M1AP: variants seen among roughly 807,000 people sequenced by gnomAD.
The protein encoded by M1AP is meiosis 1 arrest protein.
In M1AP, 39 loss-of-function variants were observed where a neutral mutation model predicts 51.2. That is an observed-to-expected ratio of 0.76 (90% confidence interval 0.59 to 1.00). The LOEUF (loss-of-function observed/expected upper bound fraction) is 1.00, where lower values mean the gene tolerates loss of function less well. Among genes scored for constraint, M1AP ranks in the 50% least tolerant of loss-of-function variants. The pLI is 0.00. For synonymous variants in M1AP, 251 were observed against 249.2 expected, an observed-to-expected ratio of 1.01 and a Z score of -0.07; for missense variants, 545 against 641.2, an observed-to-expected ratio of 0.85 and a Z score of 1.62.
intron 5 of M1AP, among the ~76,000 whole-genome samples, chr2:74,579,921 C>T (rs912053203): frequency 6.6e-6 from 1 of 152,144 alleles, no homozygotes; most frequent in African/African-American, 2.4e-5. Context: ...GATCCTCTTG[C>T]CTCGGCCTCC....
chr2:74,619,743 A>G (rs1220143653), intron 2 of M1AP, among the ~76,000 whole-genome samples: 1 of 152,192 alleles, frequency 6.6e-6, no homozygotes, highest in Non-Finnish European at 1.5e-5. Flanking sequence ...CAAAATCTCA[A>G]CTTAATATTA....
At chr2:74,614,929 C>T in intron 3 of M1AP, 35 bp downstream of exon 3, 13 of 1,594,038 alleles carry the variant, frequency 8.2e-6, no homozygotes, top group Non-Finnish European at 1.1e-5. Flanking sequence ...GAAATCGGAA[C>T]ACAGCTTGGA....
chr2:74,647,241 A>G, intron 1 of M1AP: 1 of 985,140 alleles, frequency 1.0e-6, no homozygotes, highest in South Asian at 4.7e-5. Context: ...TCCTCACACT[A>G]GGCCCTCCCC....
intron 10 of M1AP, among the ~76,000 whole-genome samples, chr2:74,559,184 G>A (rs1230015019): frequency 6.7e-6 from 1 of 150,260 alleles, no homozygotes; most frequent in East Asian, 1.9e-4. Context: ...TTTTTGACAG[G>A]ATCTTGCTCT....
chr2:74,626,917 T>C (rs974515425), intron 2 of M1AP, among the ~76,000 whole-genome samples: 1 of 152,240 alleles, frequency 6.6e-6, no homozygotes, highest in Non-Finnish European at 1.5e-5. Context: ...ATCTGTTTAA[T>C]ATCTGATAGG....
chr2:74,562,491 A>G, intron 7 of M1AP, 68 bp from the exon 8 acceptor site: 1 of 1,566,362 alleles, frequency 6.4e-7, no homozygotes, highest in Non-Finnish European at 8.7e-7. Context: ...GATCAGTCCC[A>G]ATTGAAGTTT....
At chr2:74,613,255 A>G (rs1298956614) in intron 3 of M1AP, among the ~76,000 whole-genome samples, 2 of 152,210 alleles carry the variant, frequency 1.3e-5, no homozygotes, top group Non-Finnish European at 2.9e-5. Flanking sequence ...TGGTCTGAGA[A>G]TTCCAGTGTC....
At chr2:74,576,711 A>G in intron 5 of M1AP, 93 bp from the exon 6 acceptor site, 1 of 1,401,270 alleles carries the variant, frequency 7.1e-7, no homozygotes, top group South Asian at 1.3e-5. Context: ...TTAAGAGACA[A>G]CATCTGCTAC....
chr2:74,583,413 T>C (rs1679529084), intron 4 of M1AP, among the ~76,000 whole-genome samples: 1 of 152,028 alleles, frequency 6.6e-6, no homozygotes, highest in Non-Finnish European at 1.5e-5. Flanking sequence ...TGAATGGAGC[T>C]GGGTAGGTGG....
chr2:74,580,645 T>C (rs1003094692), intron 5 of M1AP, among the ~76,000 whole-genome samples: 2 of 152,046 alleles, frequency 1.3e-5, no homozygotes, highest in African/African-American at 4.8e-5. Flanking sequence ...AAAAGGAACA[T>C]ATATAAAAAC....
At chr2:74,610,461 T>C (rs571415666) in intron 3 of M1AP, among the ~76,000 whole-genome samples, 19 of 152,262 alleles carry the variant, frequency 1.2e-4, no homozygotes, top group Admixed American at 1.1e-3. Context: ...GTTTCCCTCA[T>C]TTTAAGAGTC....
Position 74,576,551 on chromosome 2 carries a change from G to A in M1AP, c.837C>T (p.Gly279=). The A allele has an allele frequency of 6.2e-7, 1 of 1,614,118 alleles. No individual in the cohort carries two copies. The highest frequency in any genetic ancestry group is 8.5e-7 in the Non-Finnish European group (1 of 1,179,952). ...CTTTAGGGTCATCCATTCTCAAGGA[G>A]CCGTCAGCTGTGCCAGCGAGTAGGG... ...CPSLLAGTAD[G]SLRMDDPKGD... Residue 279 remains glycine, a synonymous_variant, in exon 6 of 11, where the codon GGC becomes GGT. Transcript: ENST00000421985.
At chr2:74,586,215 C>A (rs919442761) in intron 4 of M1AP, among the ~76,000 whole-genome samples, 22 of 152,144 alleles carry the variant, frequency 1.4e-4, no homozygotes, top group African/African-American at 5.3e-4. Context: ...TTACATTTTA[C>A]CTTAGTACTA....
intron 4 of M1AP, among the ~76,000 whole-genome samples, chr2:74,585,299 G>A (rs1679643787): frequency 6.6e-6 from 1 of 152,206 alleles, no homozygotes. Flanking sequence ...TGTCCCAATT[G>A]CAGAGATGTG....
chr2:74,606,939 A>C, intron 4 of M1AP, 116 bp downstream of exon 4: 1 of 597,192 alleles, frequency 1.7e-6, no homozygotes, highest in South Asian at 4.0e-5. Context: ...ACATGTGCAC[A>C]ACGTGCAGGT....
At chr2:74,607,469 T>C (rs1379498660) in intron 3 of M1AP, among the ~76,000 whole-genome samples, 1 of 152,102 alleles carries the variant, frequency 6.6e-6, no homozygotes, top group Non-Finnish European at 1.5e-5. Flanking sequence ...AGAAACCATA[T>C]GTATGTTTTA....
intron 4 of M1AP, among the ~76,000 whole-genome samples, chr2:74,598,716 C>G (rs1191190499): frequency 6.6e-6 from 1 of 150,934 alleles, no homozygotes; most frequent in African/African-American, 2.4e-5. Context: ...CCTTGACCGC[C>G]CGGGCTCAAG....
chr2:74,565,147 C>T (rs1401252708), intron 7 of M1AP, among the ~76,000 whole-genome samples: 14 of 151,298 alleles, frequency 9.3e-5, no homozygotes, highest in African/African-American at 2.7e-4. Flanking sequence ...CACTTGAACC[C>T]GGGAGGTGGA....
chr2:74,633,093 TCTTA>T (rs1682791272), intron 2 of M1AP, among the ~76,000 whole-genome samples: 1 of 152,090 alleles, frequency 6.6e-6, no homozygotes. Context: ...TCATTCACAC[TCTTA>T]CTTCCAGCTG....
Sources: allele counts gnomAD v4.1 joint callset (sites outside exome capture counted in the v4.1 genomes callset), GRCh38; gene constraint gnomAD v4.1.1; transcripts MANE v1.5; gene names NCBI Gene and HGNC (gene_info 2026-07-23, HGNC 2026-07-21).